DNAH7: variants seen among roughly 807,000 people sequenced by gnomAD.
The protein encoded by DNAH7 is dynein axonemal heavy chain 7.
Under a neutral mutation model 444.6 loss-of-function variants are expected in DNAH7, and 397 were observed. The ratio of observed to expected loss-of-function variants is 0.89; its 90% confidence interval spans 0.82 to 0.97. DNAH7 has a LOEUF of 0.97. Ranked by LOEUF, DNAH7 falls within the 50% of genes least tolerant of loss-of-function variation. The pLI, the probability that DNAH7 is intolerant of heterozygous loss-of-function variation, is 0.00. For missense variants in DNAH7, 4,902 were observed against 4,800.8 expected (o/e 1.02, Z -0.62); for synonymous variants, 1,636 against 1,624.4 (o/e 1.01, Z -0.17).
intron 48 of DNAH7, among the ~76,000 whole-genome samples, chr2:195,829,621 A>G (rs1480830043): frequency 1.3e-5 from 2 of 152,084 alleles, no homozygotes; most frequent in African/African-American, 4.8e-5. Flanking sequence ...AATTTTTTAC[A>G]TAAAATCTGA....
chr2:195,747,176 G>A lies in DNAH7; in HGVS notation c.11765-6307C>T, dbSNP rs553638509. ...AAATGATAAAGGGGATATCACCACC[G>A]ATCCCACAGAAATACAAACTACCAT... On this transcript the variant is annotated intron_variant, in intron 63 of 64. Coordinates refer to ENST00000312428, the MANE Select transcript of DNAH7 (RefSeq NM_018897.3). 5.8e-4 allele frequency among the ~76,000 whole-genome samples: 88 copies of A among 151,850 alleles called. 1 individual carries two copies. The East Asian group carries it at 0.011, about 19-fold the overall frequency.
chr2:195,898,139 G>A (rs749239877), intron 28 of DNAH7, among the ~76,000 whole-genome samples: 3 of 151,974 alleles, frequency 2.0e-5, no homozygotes, highest in Non-Finnish European at 4.4e-5. Context: ...ATTAAAAGTG[G>A]GCAATCATTT....
intron 41 of DNAH7, among the ~76,000 whole-genome samples, chr2:195,862,264 T>C (rs1201907639): frequency 6.6e-6 from 1 of 152,186 alleles, no homozygotes; most frequent in Non-Finnish European, 1.5e-5. Context: ...TGCATTTTAC[T>C]GGTATTATCT....
intron 13 of DNAH7, 95 bp from the exon 14 acceptor site, chr2:195,987,288 G>T: frequency 1.2e-6 from 1 of 860,746 alleles, no homozygotes; most frequent in Non-Finnish European, 1.7e-6. Context: ...TTTTGTGTGT[G>T]ATGTAACAAG....
intron 27 of DNAH7, among the ~76,000 whole-genome samples, chr2:195,906,314 GTTTTCTAAAACAA>G (rs1440421349): frequency 1.3e-5 from 2 of 151,538 alleles, no homozygotes; most frequent in Admixed American, 1.3e-4. Context: ...TTTAAAAATT[GTTTTCTAAAACAA>G]TTTTCTAAAA....
Position 195,923,604 on chromosome 2 carries a change from G to A in DNAH7, c.3816C>T (p.Tyr1272=), listed in dbSNP as rs1688151420. The change falls in exon 23 of 65, where the codon TAC becomes TAT. Residue 1272 remains tyrosine, a synonymous_variant. Coordinates refer to ENST00000312428, the MANE Select transcript of DNAH7 (RefSeq NM_018897.3). ...SDFEWLSQLR[Y]YWQENHLETK... ...CAGTGATACCACTTACTTGCCAGTAGTACCTAAGCTGACTTAACCATTCAA... is the reference window on the plus strand; with the variant it reads ...CAGTGATACCACTTACTTGCCAGTAATACCTAAGCTGACTTAACCATTCAA... 6.2e-7 allele frequency: 1 copy of A among 1,614,000 alleles called. No homozygotes were observed.
intron 19 of DNAH7, among the ~76,000 whole-genome samples, chr2:195,951,258 G>A (rs866962630): frequency 2.0e-5 from 3 of 152,208 alleles, no homozygotes; most frequent in African/African-American, 7.2e-5. Context: ...TTTTGAGTGA[G>A]TTTCTTAACT....
intron 35 of DNAH7, among the ~76,000 whole-genome samples, chr2:195,883,462 A>ACC (rs1559181801): frequency 7.4e-5 from 9 of 121,196 alleles, no homozygotes; most frequent in African/African-American, 2.7e-4. Context: ...CCCCCCCCCC[A>ACC]AAAAAAAAGA....
intron 47 of DNAH7, among the ~76,000 whole-genome samples, chr2:195,835,512 A>T (rs1033772615): frequency 1.3e-5 from 2 of 152,110 alleles, no homozygotes; most frequent in Non-Finnish European, 2.9e-5. Flanking sequence ...AATAAAAAAA[A>T]CCATATTTTT....
At chr2:195,960,101 T>A (rs1261497001) in intron 18 of DNAH7, among the ~76,000 whole-genome samples, 159 bp downstream of exon 18, 1 of 152,186 alleles carries the variant, frequency 6.6e-6, no homozygotes, top group African/African-American at 2.4e-5. Flanking sequence ...AAATATTTAG[T>A]ATGAAATGCT....
chr2:195,775,373 G>C (rs1695014909), intron 60 of DNAH7, among the ~76,000 whole-genome samples: 1 of 152,132 alleles, frequency 6.6e-6, no homozygotes, highest in Non-Finnish European at 1.5e-5. Context: ...AAAAATATGA[G>C]TGTGAATGAA....
rs1696187793 is a variant in DNAH7, at chr2:196,033,430, A to G, written c.399-5383T>C. On this transcript the variant is annotated intron_variant, in intron 5 of 64. Coordinates refer to ENST00000312428, the MANE Select transcript of DNAH7 (RefSeq NM_018897.3). ...TACCCCTGTCTAACTAAGTCTTTGT[A>G]GCCTTTAACCATCATCTCCCCATTC... is the stretch of plus-strand genomic sequence containing the variant. 2.0e-5 allele frequency among the ~76,000 whole-genome samples: 3 copies of G among 152,184 alleles called. No homozygotes were observed. In the South Asian group the frequency reaches 6.2e-4, roughly 31 times the overall value.
At chr2:195,894,249 G>A (rs1702176612) in intron 30 of DNAH7, 1 of 151,980 alleles carries the variant, frequency 6.6e-6, no homozygotes, top group Non-Finnish European at 1.5e-5. Flanking sequence ...TTAATGACAT[G>A]GGCAAATATA....
At position 196,026,847 on chromosome 2, in the gene DNAH7, G is replaced by A; in HGVS notation, c.580C>T (p.Gln194Ter). 6 of 1,612,370 alleles carry A rather than the reference G, an allele frequency of 3.7e-6. No homozygotes were observed. Among genetic ancestry groups the A allele is most frequent in the African/African-American group, 2.7e-5 (2 of 74,990 alleles). ...CTGTCAGTGAAGACTTTCAGATGTT[G>A]TGGAACTAAATCCAGTACGTGTTCT... ...WLEHVLDLVPQHLKVFTDSIV... is the reference protein window; with the variant it reads ...WLEHVLDLVP Residue 194 changes from glutamine to a stop codon, truncating the protein, a stop_gained, in exon 7 of 65, where the codon CAA (glutamine) becomes TAA (stop). Coordinates refer to ENST00000312428, the MANE Select transcript of DNAH7 (RefSeq NM_018897.3). LOFTEE classifies it high-confidence loss of function.
chr2:195,969,295 T>C (rs1213892952), intron 17 of DNAH7, among the ~76,000 whole-genome samples: 1 of 152,242 alleles, frequency 6.6e-6, no homozygotes, highest in African/African-American at 2.4e-5. Context: ...GTGATTATTA[T>C]AAAACAATTA....
chr2:196,040,937 G>C (rs1696701864), intron 5 of DNAH7, among the ~76,000 whole-genome samples: 2 of 151,752 alleles, frequency 1.3e-5, no homozygotes, highest in South Asian at 4.2e-4. Flanking sequence ...CAAACATTCA[G>C]AAAAAGAAAG....
At position 195,743,227 on chromosome 2, in the gene DNAH7, G is replaced by A. The variant is rs115720246; in HGVS notation, c.11765-2358C>T. On this transcript the variant is annotated intron_variant, in intron 63 of 64. Coordinates refer to ENST00000312428, the MANE Select transcript of DNAH7 (RefSeq NM_018897.3). ...ACTGAAGGCTGCGCTGTCTGCTTCC[G>A]TACTTTTGAGGTTTTGGGACTGGGA... is the stretch of plus-strand genomic sequence containing the variant. 6.3e-3 allele frequency among the ~76,000 whole-genome samples: 967 copies of A among 152,326 alleles called. 9 individuals are homozygous for A. The highest frequency in any genetic ancestry group is 0.022 in the African/African-American group (912 of 41,574).
intron 61 of DNAH7, among the ~76,000 whole-genome samples, chr2:195,759,540 G>A (rs1694248085): frequency 6.6e-6 from 1 of 152,044 alleles, no homozygotes; most frequent in Non-Finnish European, 1.5e-5. Flanking sequence ...GCTTTGACTT[G>A]CAGCTTAGGT....
At chr2:196,050,026 G>GT (rs1575104344) in intron 3 of DNAH7, among the ~76,000 whole-genome samples, 1 of 152,056 alleles carries the variant, frequency 6.6e-6, no homozygotes, top group East Asian at 1.9e-4. Flanking sequence ...ATTAAGATTT[G>GT]TATTTTTAAA....
Sources: allele counts gnomAD v4.1 joint callset (sites outside exome capture counted in the v4.1 genomes callset), GRCh38; gene constraint gnomAD v4.1.1; transcripts MANE v1.5; gene names NCBI Gene and HGNC (gene_info 2026-07-23, HGNC 2026-07-21).